RPAIN: variants seen among roughly 807,000 people sequenced by gnomAD.
The protein encoded by RPAIN is RPA interacting protein.
RPAIN carries 29 observed loss-of-function variants against 30.5 expected under a neutral mutation model. The ratio of observed to expected loss-of-function variants is 0.95; its 90% CI spans 0.71 to 1.30. The LOEUF (loss-of-function observed/expected upper bound fraction) is 1.30. Among genes scored for constraint, RPAIN ranks in the 50% most tolerant of loss-of-function variants. The probability of loss-of-function intolerance (pLI) is 0.00; values close to 1 mark genes in which losing one functional copy is unlikely to be tolerated. For synonymous variants in RPAIN, 101 were observed against 93.5 expected, an observed-to-expected ratio of 1.08 and a Z score of -0.46; for missense variants, 247 against 264.7, an observed-to-expected ratio of 0.93 and a Z score of 0.46.
chr17:5,429,897 G>A (rs961463292), intron 6 of RPAIN: 2 of 532,280 alleles, frequency 3.8e-6, no homozygotes, highest in Non-Finnish European at 4.8e-6. Context: ...GCTGGCCACG[G>A]TGGCTCACGC....
chr17:5,420,375 G>C (rs1280096759), intron 1 of RPAIN, 84 bp downstream of exon 1: 2 of 1,179,628 alleles, frequency 1.7e-6, no homozygotes, highest in East Asian at 2.4e-5. Flanking sequence ...GCCCTGCTCC[G>C]TGGAGCAGGT....
chr17:5,429,057 A>G (rs1447755273), intron 6 of RPAIN: 1 of 984,748 alleles, frequency 1.0e-6, no homozygotes. Context: ...CATTCATTAA[A>G]AAAAAAATGA....
Position 5,422,844 on chromosome 17 carries a change from T to C in RPAIN, c.313+15T>C. On this transcript the variant is annotated intron_variant, in intron 3 of 6. Coordinates refer to ENST00000381209, the MANE Select transcript of RPAIN (RefSeq NM_001033002.4). ...GATCAACCAAGGTAACCCCTAGTGGTAGTCCTTCCTTACCTGTATTTAGCT... is the reference window on the plus strand; with the variant it reads ...GATCAACCAAGGTAACCCCTAGTGGCAGTCCTTCCTTACCTGTATTTAGCT... The C allele has an allele frequency of 6.3e-7, 1 of 1,583,266 alleles. No individual in the cohort carries two copies. The highest frequency in any genetic ancestry group is 8.7e-7 in the Non-Finnish European group (1 of 1,154,048).
Position 5,426,288 on chromosome 17 carries a change from A to AT in RPAIN, c.479dup (p.Ser162IlefsTer5). 1 of 1,613,894 alleles carries AT rather than the reference A, an allele frequency of 6.2e-7. No homozygotes were observed. The highest frequency in any genetic ancestry group is 8.5e-7 in the Non-Finnish European group (1 of 1,179,750). On this transcript the variant is annotated frameshift_variant, in exon 5 of 7. Coordinates refer to ENST00000381209, the MANE Select transcript of RPAIN (RefSeq NM_001033002.4). LOFTEE classifies it high-confidence loss of function. ...GGTGGTGTGTCAGTGTGGCCTGTCCATCCCATCTCATGTGAGTGTTCCACA... is the reference window on the plus strand; with the variant it reads ...GGTGGTGTGTCAGTGTGGCCTGTCCATTCCCATCTCATGTGAGTGTTCCACA...
chr17:5,420,703 TAGTA>T (rs1914686024), intron 1 of RPAIN, among the ~76,000 whole-genome samples: 1 of 152,050 alleles, frequency 6.6e-6, no homozygotes, highest in South Asian at 2.1e-4. Context: ...GTGTGGTTAT[TAGTA>T]AGTAATGTCC....
chr17:5,425,321 A>G (rs1381545598), intron 3 of RPAIN: 3 of 454,720 alleles, frequency 6.6e-6, no homozygotes, highest in South Asian at 4.7e-5. Context: ...TCGTCCTGGC[A>G]TCAGAAATCA....
intron 6 of RPAIN, chr17:5,431,665 A>G (rs1915965346): frequency 2.2e-6 from 1 of 455,912 alleles, no homozygotes; most frequent in African/African-American, 2.0e-5. Flanking sequence ...AGGGACGCTC[A>G]GGACAGATGG....
In RPAIN at chr17:5,426,258, G is replaced by GGT; in HGVS notation, c.452_453dup (p.Val152TrpfsTer17). On this transcript the variant is annotated frameshift_variant, in exon 5 of 7. Coordinates refer to ENST00000381209, the MANE Select transcript of RPAIN (RefSeq NM_001033002.4). LOFTEE classifies it high-confidence loss of function. The stretch of plus-strand genomic sequence containing the variant: ...TAGGTACAACCTGAGAATCACAAGC[G>GGT]GTGTGGTGGTGTGTCAGTGTGGCCT... The GGT allele has an allele frequency of 6.2e-7, 1 of 1,614,138 alleles. No individual in the cohort carries two copies. Among genetic ancestry groups the GGT allele is most frequent in the African/African-American group, 1.3e-5 (1 of 75,044 alleles).
chr17:5,420,411 AC>A, intron 1 of RPAIN, 120 bp downstream of exon 1: 1 of 781,248 alleles, frequency 1.3e-6, no homozygotes, highest in Non-Finnish European at 2.0e-6. Flanking sequence ...GTCTGGTCAA[AC>A]CCAGGCCTGC....
At position 5,432,692 on chromosome 17, in the gene RPAIN, G is replaced by C; in HGVS notation, c.*121G>C. 2 of 1,068,614 alleles carry C rather than the reference G, an allele frequency of 1.9e-6. No homozygotes were observed. Among genetic ancestry groups the C allele is most frequent in the Non-Finnish European group, 2.8e-6 (2 of 726,592 alleles). The allele number at this position is 1,068,614 out of a possible 1,614,324, so 66.2% of individuals were successfully genotyped here. ...TGTATTGAAACTTTTAAACAATACTGAAGAAAAAAAAACTTTTCCGACATC... is the reference window on the plus strand; with the variant it reads ...TGTATTGAAACTTTTAAACAATACTCAAGAAAAAAAAACTTTTCCGACATC... On this transcript the variant is annotated 3_prime_UTR_variant, in exon 7 of 7. Transcript: ENST00000381209.
chr17:5,422,643 G>C, intron 2 of RPAIN, 126 bp from the exon 3 acceptor site: 1 of 736,646 alleles, frequency 1.4e-6, no homozygotes, highest in Non-Finnish European at 2.4e-6. Flanking sequence ...ATATTCTGCA[G>C]GAGGACTGGA....
chr17:5,428,361 C>A (rs945863886), intron 6 of RPAIN, 150 bp downstream of exon 6: 3 of 1,523,004 alleles, frequency 2.0e-6, no homozygotes, highest in Non-Finnish European at 1.8e-6. Context: ...GTGAAGGTAA[C>A]AAGTCATTTA....
chr17:5,430,914 TC>T (rs374625958), intron 6 of RPAIN: 1 of 157,616 alleles, frequency 6.3e-6, no homozygotes, highest in African/African-American at 2.4e-5. Flanking sequence ...AAAATGCTGG[TC>T]GGGGGAAGAG....
intron 2 of RPAIN, among the ~76,000 whole-genome samples, chr17:5,422,330 A>G (rs1372299224): frequency 6.6e-6 from 1 of 152,230 alleles, no homozygotes; most frequent in Non-Finnish European, 1.5e-5. Flanking sequence ...CACCCTGTGT[A>G]ATAATGATGC....
At chr17:5,431,552 G>A (rs1915949064) in intron 6 of RPAIN, 1 of 442,060 alleles carries the variant, frequency 2.3e-6, no homozygotes. Flanking sequence ...TTCAACATTT[G>A]GAAAGGTAGA....
chr17:5,426,344 G>C (rs745678820), intron 5 of RPAIN, 45 bp downstream of exon 5: 1 of 1,535,298 alleles, frequency 6.5e-7, no homozygotes, highest in Admixed American at 1.7e-5. Context: ...TTCCCACATG[G>C]ATCTACTTTC....
chr17:5,429,896 G>A, intron 6 of RPAIN: 4 of 528,974 alleles, frequency 7.6e-6, no homozygotes, highest in African/African-American at 2.1e-5. Context: ...AGCTGGCCAC[G>A]GTGGCTCACG....
rs945540974 is a variant in RPAIN at position 5,429,783 on chromosome 17, C to T, written c.630+1572C>T. ...TGTTCTGTCTGAATGACTTTGACTC[C>T]TCCCACTACATTTAAGGATCATTTG... On this transcript the variant is annotated intron_variant, in intron 6 of 6. Transcript: ENST00000381209. 4 of 983,120 alleles carry T rather than the reference C, an allele frequency of 4.1e-6. No homozygotes were observed. In the African/African-American group the frequency reaches 5.2e-5, roughly 13 times the overall value. 60.9% of individuals were successfully genotyped at this position (983,120 alleles called of 1,614,324 possible). A position where few individuals can be genotyped will look rare whatever the true frequency, so the allele number is the denominator to read the frequency against.
intron 5 of RPAIN, 185 bp downstream of exon 5, chr17:5,426,484 C>T (rs1371253431): frequency 8.0e-6 from 5 of 624,536 alleles, no homozygotes; most frequent in African/African-American, 5.5e-5. Flanking sequence ...AATTGGCAAA[C>T]AGTACACATC....
Sources: allele counts gnomAD v4.1 joint callset (sites outside exome capture counted in the v4.1 genomes callset), GRCh38; gene constraint gnomAD v4.1.1; transcripts MANE v1.5; gene names NCBI Gene and HGNC (gene_info 2026-07-23, HGNC 2026-07-21).